Variants in GRID1 observed in about 807,000 individuals in gnomAD.
GRID1 encodes the protein glutamate receptor ionotropic, delta-1.
A neutral mutation model predicts 98.0 loss-of-function variants in GRID1; 28 were observed. The ratio of observed to expected loss-of-function variants is 0.29; its 90% CI spans 0.21 to 0.39. The LOEUF (loss-of-function observed/expected upper bound fraction) is 0.39. Among genes scored for constraint, GRID1 ranks in the 10% least tolerant of loss-of-function variants. The pLI is 1.00. For missense variants in GRID1, 1,111 were observed against 1,340.5 expected, an observed-to-expected ratio of 0.83 and a Z score of 2.67; for synonymous variants, 553 against 538.5, an observed-to-expected ratio of 1.03 and a Z score of -0.37.
intron 2 of GRID1, among the ~76,000 whole-genome samples, chr10:86,292,971 A>T (rs536718679): frequency 6.6e-6 from 1 of 152,198 alleles, no homozygotes; most frequent in Admixed American, 6.5e-5. Context: ...AAGAAAGCCA[A>T]CTGGGCCTGG....
chr10:85,649,362 G>A (rs1026024350), intron 12 of GRID1, among the ~76,000 whole-genome samples: 1 of 152,140 alleles, frequency 6.6e-6, no homozygotes, highest in African/African-American at 2.4e-5. Flanking sequence ...TAACAAATTC[G>A]ATGAAGAAAT....
At chr10:85,862,443 A>G (rs1843172075) in intron 6 of GRID1, among the ~76,000 whole-genome samples, 1 of 152,152 alleles carries the variant, frequency 6.6e-6, no homozygotes, top group South Asian at 2.1e-4. Flanking sequence ...GTGTGAATAA[A>G]TGTAGAATTG....
At chr10:86,319,308 G>T (rs1240666850) in intron 2 of GRID1, among the ~76,000 whole-genome samples, 1 of 152,214 alleles carries the variant, frequency 6.6e-6, no homozygotes, top group East Asian at 1.9e-4. Context: ...TCTGACAATT[G>T]TGTTGGGAAT....
intron 4 of GRID1, among the ~76,000 whole-genome samples, chr10:85,953,020 G>T (rs934713012): frequency 1.3e-5 from 2 of 151,900 alleles, no homozygotes; most frequent in Non-Finnish European, 2.9e-5. Flanking sequence ...TATTGTAAGA[G>T]TATAATACAT....
chr10:85,609,802 A>G (rs1033810192), intron 15 of GRID1, among the ~76,000 whole-genome samples: 2 of 152,230 alleles, frequency 1.3e-5, no homozygotes, highest in African/African-American at 4.8e-5. Context: ...CCATTTGTGC[A>G]GTTCTCATCT....
At chr10:85,909,054 T>C (rs1340417967) in intron 5 of GRID1, among the ~76,000 whole-genome samples, 1 of 152,160 alleles carries the variant, frequency 6.6e-6, no homozygotes, top group Admixed American at 6.6e-5. Flanking sequence ...AAATCTTTTA[T>C]CCCAATGTAA....
At chr10:86,034,199 C>A in intron 4 of GRID1, among the ~76,000 whole-genome samples, 1 of 151,334 alleles carries the variant, frequency 6.6e-6, no homozygotes, top group African/African-American at 2.4e-5. Flanking sequence ...TGTGAGTTGC[C>A]CAGAAAAAGG....
chr10:86,102,627 A>T (rs969067338), intron 4 of GRID1, among the ~76,000 whole-genome samples: 1 of 152,238 alleles, frequency 6.6e-6, no homozygotes, highest in African/African-American at 2.4e-5. Flanking sequence ...CACAACATAA[A>T]TGTGCCCAGT....
chr10:86,009,020 T>C (rs1842895274), intron 4 of GRID1, among the ~76,000 whole-genome samples: 1 of 152,174 alleles, frequency 6.6e-6, no homozygotes, highest in African/African-American at 2.4e-5. Flanking sequence ...AACAGCGTCC[T>C]ATTGTAATAT....
chr10:86,115,764 G>T (rs2131955370), intron 4 of GRID1, among the ~76,000 whole-genome samples: 1 of 152,324 alleles, frequency 6.6e-6, no homozygotes, highest in Middle Eastern at 3.4e-3. Context: ...GCTGCTCCTG[G>T]CAGAAGGAGC....
chr10:85,726,867 C>T (rs1871344), intron 10 of GRID1, among the ~76,000 whole-genome samples: 9,069 of 152,130 alleles, frequency 0.06, 511 homozygotes, highest in African/African-American at 0.15. Flanking sequence ...GGTATCTTTA[C>T]TAAAAATCAT....
At chr10:86,064,879 C>A (rs1372546701) in intron 4 of GRID1, among the ~76,000 whole-genome samples, 2 of 152,222 alleles carry the variant, frequency 1.3e-5, no homozygotes, top group Non-Finnish European at 2.9e-5. Context: ...AACTCGCTGG[C>A]CACATGAAGC....
At position 86,108,250 on chromosome 10, in the gene GRID1, G is replaced by A. The variant is rs542461408; in HGVS notation, c.726+30569C>T. 1.1e-3 allele frequency among the ~76,000 whole-genome samples: 174 copies of A among 152,246 alleles called. 1 individual carries two copies. The highest frequency in any genetic ancestry group is 4.0e-3 in the African/African-American group (165 of 41,536). On this transcript the variant is annotated intron_variant, in intron 4 of 15. Coordinates refer to ENST00000327946, the MANE Select transcript of GRID1 (RefSeq NM_017551.3). ...ACCCCCATCGCACACCCTGCGAGGGGGACAAGAGAACTTTTCCCACTTCAA... is the reference window on the plus strand; with the variant it reads ...ACCCCCATCGCACACCCTGCGAGGGAGACAAGAGAACTTTTCCCACTTCAA...
At chr10:85,676,272 C>A (rs1282221832) in intron 12 of GRID1, among the ~76,000 whole-genome samples, 1 of 152,040 alleles carries the variant, frequency 6.6e-6, no homozygotes, top group Admixed American at 6.5e-5. Context: ...TGGAGATGAC[C>A]CCCATCTTAT....
chr10:85,738,570 A>G (rs1400499510), intron 8 of GRID1, among the ~76,000 whole-genome samples: 1 of 152,218 alleles, frequency 6.6e-6, no homozygotes. Flanking sequence ...CTTTATTCAT[A>G]ATAGCCAAAA....
intron 8 of GRID1, among the ~76,000 whole-genome samples, chr10:85,772,553 C>A (rs918639144): frequency 7.2e-5 from 11 of 151,894 alleles, no homozygotes; most frequent in African/African-American, 2.4e-4. Context: ...TTGAAAGGAT[C>A]AACAAAACTG....
At chr10:86,061,412 A>T (rs539668947) in intron 4 of GRID1, among the ~76,000 whole-genome samples, 1 of 152,012 alleles carries the variant, frequency 6.6e-6, no homozygotes, top group African/African-American at 2.4e-5. Context: ...CTCCCTTTCC[A>T]TTGTGAAAGC....
At chr10:85,649,742 G>A (rs1269827205) in intron 12 of GRID1, among the ~76,000 whole-genome samples, 1 of 152,140 alleles carries the variant, frequency 6.6e-6, no homozygotes, top group African/African-American at 2.4e-5. Flanking sequence ...CCCACGGCCA[G>A]AGGCTCAGGG....
At chr10:85,772,909 T>C (rs1590225412) in intron 8 of GRID1, among the ~76,000 whole-genome samples, 1 of 152,148 alleles carries the variant, frequency 6.6e-6, no homozygotes, top group African/African-American at 2.4e-5. Context: ...GAGGAACTGG[T>C]ACCATTCCTT....
Sources: allele counts gnomAD v4.1 joint callset (sites outside exome capture counted in the v4.1 genomes callset), GRCh38; gene constraint gnomAD v4.1.1; transcripts MANE v1.5; gene names NCBI Gene and HGNC (gene_info 2026-07-23, HGNC 2026-07-21).